FHOD3: variants seen among roughly 807,000 people sequenced by gnomAD.
FHOD3 encodes FH1/FH2 domain-containing protein 3.
A neutral mutation model predicts 173.0 loss-of-function variants in FHOD3; 90 were observed. The observed-to-expected ratio is 0.52, with a 90% CI of 0.44 to 0.62. FHOD3 has a LOEUF of 0.62. FHOD3 is among the 20% of genes least tolerant of loss of function. The pLI, the probability that FHOD3 is intolerant of heterozygous loss-of-function variation, is 0.00. For missense variants in FHOD3, 1,945 were observed against 2,034.7 expected, an observed-to-expected ratio of 0.96 and a Z score of 0.85; for synonymous variants, 828 against 823.0, an observed-to-expected ratio of 1.01 and a Z score of -0.10.
At chr18:36,757,489 CAACTT>C (rs2042680906) in intron 25 of FHOD3, among the ~76,000 whole-genome samples, 1 of 152,186 alleles carries the variant, frequency 6.6e-6, no homozygotes, top group Non-Finnish European at 1.5e-5. Context: ...GGCATATACA[CAACTT>C]AAACCACTGA....
chr18:36,685,120 C>T (rs1051506189), intron 15 of FHOD3, among the ~76,000 whole-genome samples: 5 of 152,160 alleles, frequency 3.3e-5, no homozygotes, highest in Non-Finnish European at 7.3e-5. Context: ...TTATAATATA[C>T]AGGAATTATG....
chr18:36,399,281 G>T (rs2048694351), intron 3 of FHOD3, among the ~76,000 whole-genome samples: 1 of 152,148 alleles, frequency 6.6e-6, no homozygotes, highest in Non-Finnish European at 1.5e-5. Flanking sequence ...GCAAGCATCT[G>T]GGGCAGGCTA....
chr18:36,641,461 C>T (rs141446540), intron 10 of FHOD3, among the ~76,000 whole-genome samples: 37 of 152,332 alleles, frequency 2.4e-4, no homozygotes, highest in African/African-American at 8.7e-4. Context: ...TTGTCCCTTA[C>T]TCAGGTCCTC....
intron 3 of FHOD3, among the ~76,000 whole-genome samples, chr18:36,399,715 C>T (rs1384273266): frequency 6.6e-6 from 1 of 152,178 alleles, no homozygotes; most frequent in Non-Finnish European, 1.5e-5. Flanking sequence ...TATTGATGAC[C>T]CTGCTGCAGA....
chr18:36,754,228 G>T (rs755537079), intron 24 of FHOD3, among the ~76,000 whole-genome samples: 13 of 152,076 alleles, frequency 8.5e-5, no homozygotes, highest in Non-Finnish European at 1.8e-4. Context: ...GTCTCAAAAA[G>T]AGTAAGCCAG....
chr18:36,386,116 A>G (rs914157752), intron 3 of FHOD3, among the ~76,000 whole-genome samples: 3 of 152,268 alleles, frequency 2.0e-5, no homozygotes, highest in Non-Finnish European at 2.9e-5. Flanking sequence ...TACAATCTGT[A>G]TGTTTGTCTT....
rs138152045 is a variant in FHOD3 at position 36,477,844 on chromosome 18, A to G, written c.338-24088A>G. ...GCAGGGTGTGGTTCTTGGCACAGGA[A>G]GTAAGGGAGCAAAGATGGCAGAGTC... On this transcript the variant is annotated intron_variant, in intron 3 of 28. Coordinates refer to ENST00000590592, the MANE Select transcript of FHOD3 (RefSeq NM_001281740.3). Among the ~76,000 whole-genome samples, 366 of 152,240 alleles carry G rather than the reference A, an allele frequency of 2.4e-3. 4 individuals carry two copies. The highest frequency in any genetic ancestry group is 0.019 in the South Asian group (92 of 4,796).
intron 4 of FHOD3, among the ~76,000 whole-genome samples, chr18:36,510,286 G>A (rs539277772): frequency 1.3e-5 from 2 of 152,282 alleles, no homozygotes; most frequent in Non-Finnish European, 2.9e-5. Context: ...TGAAACCAAT[G>A]TTTTAAAAAT....
At chr18:36,603,504 ATAT>A (rs199969558) in intron 8 of FHOD3, among the ~76,000 whole-genome samples, 163 of 150,194 alleles carry the variant, frequency 1.1e-3, no homozygotes, top group Non-Finnish European at 1.8e-3. Flanking sequence ...TAATAATAAT[ATAT>A]TATTATTATT....
At chr18:36,306,415 G>T (rs1340048595) in intron 1 of FHOD3, among the ~76,000 whole-genome samples, 1 of 152,200 alleles carries the variant, frequency 6.6e-6, no homozygotes, top group East Asian at 1.9e-4. Context: ...TGGGGTGGAG[G>T]CTTCCTGCTT....
At chr18:36,539,466 G>T (rs1263589781) in intron 5 of FHOD3, among the ~76,000 whole-genome samples, 1 of 152,224 alleles carries the variant, frequency 6.6e-6, no homozygotes, top group Non-Finnish European at 1.5e-5. Context: ...CCCAGTCACC[G>T]TCCAGAGAGG....
intron 3 of FHOD3, among the ~76,000 whole-genome samples, chr18:36,396,869 G>A (rs1203406802): frequency 7.8e-6 from 1 of 127,850 alleles, no homozygotes; most frequent in Non-Finnish European, 1.6e-5. Context: ...CAGGAGGCTT[G>A]GTTCACATTT....
chr18:36,702,815 T>TGC (rs2039661121), intron 17 of FHOD3, among the ~76,000 whole-genome samples: 1 of 152,076 alleles, frequency 6.6e-6, no homozygotes, highest in African/African-American at 2.4e-5. Flanking sequence ...TGTGTGTGTG[T>TGC]GCGCGTGTGT....
chr18:36,636,597 T>A (rs777878503), intron 10 of FHOD3, among the ~76,000 whole-genome samples: 9 of 151,842 alleles, frequency 5.9e-5, no homozygotes, highest in Non-Finnish European at 1.3e-4. Flanking sequence ...TATATCACAC[T>A]TCAGGAGTAC....
At chr18:36,320,634 G>A (rs1205027512) in intron 1 of FHOD3, among the ~76,000 whole-genome samples, 1 of 152,240 alleles carries the variant, frequency 6.6e-6, no homozygotes, top group Non-Finnish European at 1.5e-5. Flanking sequence ...CTCATTTTAT[G>A]AGGCCAGCAT....
chr18:36,769,480 C>A, intron 28 of FHOD3, 54 bp downstream of exon 28: 1 of 1,572,390 alleles, frequency 6.4e-7, no homozygotes, highest in Admixed American at 1.8e-5. Context: ...TCTGCCCTCC[C>A]ATTCTACGTG....
At chr18:36,416,539 G>A (rs535537401) in intron 3 of FHOD3, among the ~76,000 whole-genome samples, 1 of 152,324 alleles carries the variant, frequency 6.6e-6, no homozygotes, top group African/African-American at 2.4e-5. Context: ...TGGGTCAATA[G>A]CACTTACTTT....
intron 1 of FHOD3, among the ~76,000 whole-genome samples, chr18:36,299,514 G>A (rs935963624): frequency 6.6e-6 from 1 of 152,154 alleles, no homozygotes; most frequent in African/African-American, 2.4e-5. Context: ...CATAATTGTG[G>A]CCCTGTGACC....
At chr18:36,738,862 C>T (rs887696918) in intron 20 of FHOD3, among the ~76,000 whole-genome samples, 12 of 152,188 alleles carry the variant, frequency 7.9e-5, no homozygotes, top group Non-Finnish European at 1.3e-4. Context: ...TCAGGTTATA[C>T]GATTTCTCCA....
Sources: allele counts gnomAD v4.1 joint callset (sites outside exome capture counted in the v4.1 genomes callset), GRCh38; gene constraint gnomAD v4.1.1; transcripts MANE v1.5; gene names NCBI Gene and HGNC (gene_info 2026-07-23, HGNC 2026-07-21).